Variants in DNMT1 observed in about 807,000 individuals in gnomAD.
DNMT1 encodes DNA (cytosine-5)-methyltransferase 1.
Under a neutral mutation model 205.3 loss-of-function variants are expected in DNMT1, and 24 were observed. That is an observed-to-expected ratio of 0.12 (90% confidence interval 0.08 to 0.16). The LOEUF (loss-of-function observed/expected upper bound fraction) is 0.16. Among genes scored for constraint, DNMT1 ranks in the 10% least tolerant of loss-of-function variants. DNMT1 has a pLI of 1.00. For synonymous variants in DNMT1, 817 were observed against 839.8 expected (o/e 0.97, Z 0.47); for missense variants, 1,293 against 2,177.7 (o/e 0.59, Z 8.09).
chr19:10,161,587 T>C (rs925084460), intron 13 of DNMT1, among the ~76,000 whole-genome samples: 3 of 152,144 alleles, frequency 2.0e-5, no homozygotes, highest in Admixed American at 1.3e-4. Flanking sequence ...TTTGCGGCTA[T>C]GGTAGCTATG....
intron 5 of DNMT1, 168 bp downstream of exon 5, chr19:10,180,019 G>T: frequency 3.7e-6 from 1 of 268,802 alleles, no homozygotes; most frequent in Non-Finnish European, 7.1e-6. Flanking sequence ...AAGAAAGAAA[G>T]AGAGTTAAGC....
intron 1 of DNMT1, among the ~76,000 whole-genome samples, chr19:10,190,573 G>C (rs969968547): frequency 3.3e-5 from 5 of 151,872 alleles, no homozygotes; most frequent in Admixed American, 2.6e-4. Context: ...CACCAGCCTG[G>C]CCAACACGGT....
At chr19:10,139,575 G>A (rs2145263676) in intron 34 of DNMT1, 101 bp downstream of exon 34, 2 of 1,530,270 alleles carry the variant, frequency 1.3e-6, no homozygotes, top group Non-Finnish European at 1.8e-6. Context: ...CTGGATGGCA[G>A]GCCTATGCCA....
rs1357168764 is a variant in DNMT1 at position 10,137,471 on chromosome 19, G to A, written c.4294-191C>T. ...AGGGACCTGAGGCAGCGCAGGTGTA[G>A]GAGAGCGTGGGAATCTAAGCTGAGC... On this transcript the variant is annotated intron_variant, in intron 36 of 40. Transcript: ENST00000359526. This position sits in a 1 kb window ranked among gnomAD's most constrained non-coding sequence, Gnocchi z 6.4. 1 of 698,012 alleles carries A rather than the reference G, an allele frequency of 1.4e-6. No individual in the cohort carries two copies. The highest frequency in any genetic ancestry group is 1.8e-5 in the South Asian group (1 of 54,486). 43.2% of individuals were successfully genotyped at this position (698,012 alleles called of 1,614,324 possible). A position where few individuals can be genotyped will look rare whatever the true frequency, so the allele number is the denominator to read the frequency against.
chr19:10,134,859 G>GAA (rs58533694), intron 39 of DNMT1, among the ~76,000 whole-genome samples: 20 of 118,812 alleles, frequency 1.7e-4, no homozygotes, highest in African/African-American at 5.3e-4. Flanking sequence ...CCCTGTCTCA[G>GAA]AAAAAAAAAA....
intron 10 of DNMT1, among the ~76,000 whole-genome samples, chr19:10,167,571 G>A (rs543332382): frequency 6.6e-5 from 10 of 152,286 alleles, no homozygotes; most frequent in East Asian, 1.9e-4. Context: ...AGCCACAAGC[G>A]TGTACCCAGC....
chr19:10,151,322 G>C lies in DNMT1; in HGVS notation c.2265+76C>G. On this transcript the variant is annotated intron_variant, in intron 24 of 40. Coordinates refer to ENST00000359526, the MANE Select transcript of DNMT1 (RefSeq NM_001130823.3). This position sits in a 1 kb window ranked among gnomAD's most constrained non-coding sequence, Gnocchi z 5.0. ...GGGGCTCAGGCTGCCTGAGAGGTCAGGTTGGCGAGATACTAGAGGGCAACC... is the reference window on the plus strand; with the variant it reads ...GGGGCTCAGGCTGCCTGAGAGGTCACGTTGGCGAGATACTAGAGGGCAACC... 1 of 1,597,312 alleles carries C rather than the reference G, an allele frequency of 6.3e-7. No homozygotes were observed. Among genetic ancestry groups the C allele is most frequent in the African/African-American group, 1.3e-5 (1 of 74,904 alleles).
In DNMT1 at chr19:10,140,029, G is replaced by A. The variant is rs1243191686; in HGVS notation, c.3806+17C>T. On this transcript the variant is annotated intron_variant, in intron 33 of 40. Coordinates refer to ENST00000359526, the MANE Select transcript of DNMT1 (RefSeq NM_001130823.3). This position sits in a 1 kb window ranked among gnomAD's most constrained non-coding sequence, Gnocchi z 8.4. ...CCCGGGCCGTCTGGCAACACTGGGG[G>A]GCTTCTACCCGTTTACCTGAGGAAG... 1 of 1,605,524 alleles carries A rather than the reference G, an allele frequency of 6.2e-7. No individual in the cohort carries two copies. The highest frequency in any genetic ancestry group is 1.1e-5 in the South Asian group (1 of 91,076).
In DNMT1 at chr19:10,191,917, G is replaced by A. The variant is rs138008772; in HGVS notation, c.80+2903C>T. On this transcript the variant is annotated intron_variant, in intron 1 of 40. Transcript: ENST00000359526. ...GCAACGGTGCAATCTCGGCTCCTGG[G>A]TTCAAGCGATTATCCTGCCTCAGCC... is the stretch of plus-strand genomic sequence containing the variant. 4.9e-3 allele frequency among the ~76,000 whole-genome samples: 750 copies of A among 152,112 alleles called. 5 individuals carry two copies. The highest frequency in any genetic ancestry group is 0.017 in the African/African-American group (705 of 41,486).
intron 11 of DNMT1, among the ~76,000 whole-genome samples, chr19:10,165,320 C>T (rs2038666658): frequency 6.6e-6 from 1 of 152,162 alleles, no homozygotes. Flanking sequence ...AGAGATGGCA[C>T]CTCCTGTGCA....
At chr19:10,185,252 C>T (rs1156378529) in intron 1 of DNMT1, among the ~76,000 whole-genome samples, 2 of 151,882 alleles carry the variant, frequency 1.3e-5, no homozygotes, top group East Asian at 1.9e-4. Flanking sequence ...AGTGAAACCC[C>T]GCCTCTACTA....
rs966116269 is a variant in DNMT1 at position 10,159,735 on chromosome 19, C to G, written c.1203G>C (p.Lys401Asn). 12 of 1,614,152 alleles carry G rather than the reference C, an allele frequency of 7.4e-6. No homozygotes were observed. The highest frequency in any genetic ancestry group is 1.0e-5 in the Non-Finnish European group (12 of 1,180,058). The change falls in exon 17 of 41, where the codon AAG (lysine) becomes AAC (asparagine). Residue 401 changes from lysine (K) to asparagine (N), a missense_variant. By Grantham distance (94) the Lys-to-Asn change is moderately conservative. Coordinates refer to ENST00000359526, the MANE Select transcript of DNMT1 (RefSeq NM_001130823.3). The surrounding 1 kb of genome is among the most constrained non-coding windows in gnomAD (Gnocchi z 5.0). ...VDEPQMLTNE[K>N]LSIFDANESG... ...ACTCGTTGGCATCAAAGATGGACAG[C>G]TTCTCATTTGTCAGCATCTGTGGCT...
At chr19:10,161,798 G>A (rs1009437676) in intron 13 of DNMT1, among the ~76,000 whole-genome samples, 2 of 152,102 alleles carry the variant, frequency 1.3e-5, no homozygotes, top group Non-Finnish European at 2.9e-5. Context: ...GGTTAAATGA[G>A]GTAATAAAGG....
chr19:10,145,270 T>C (rs2038174241), intron 28 of DNMT1, among the ~76,000 whole-genome samples: 1 of 152,170 alleles, frequency 6.6e-6, no homozygotes, highest in Non-Finnish European at 1.5e-5. Flanking sequence ...ACTCTCCCAC[T>C]TTGCCAGGAG....
At position 10,159,973 on chromosome 19, in the gene DNMT1, G is replaced by A. The variant is rs758278624; in HGVS notation, c.1089+45C>T. ...GGCACTCAGAGAGCAGCTCCCAGCCGCCTCGTGAGCGCCGCCACCGGCTTT... is the reference window on the plus strand; with the variant it reads ...GGCACTCAGAGAGCAGCTCCCAGCCACCTCGTGAGCGCCGCCACCGGCTTT... On this transcript the variant is annotated intron_variant, in intron 15 of 40. Transcript: ENST00000359526. This position sits in a 1 kb window ranked among gnomAD's most constrained non-coding sequence, Gnocchi z 5.0. 3.1e-6 allele frequency: 5 copies of A among 1,614,172 alleles called. No homozygotes were observed. The highest frequency in any genetic ancestry group is 2.2e-5 in the South Asian group (2 of 91,080).
intron 30 of DNMT1, 115 bp from the exon 31 acceptor site, chr19:10,141,304 G>T: frequency 9.9e-7 from 1 of 1,012,868 alleles, no homozygotes; most frequent in Non-Finnish European, 1.5e-6. Context: ...GTGGGGCCAT[G>T]ACCAATTAGC....
intron 22 of DNMT1, among the ~76,000 whole-genome samples, chr19:10,152,189 A>AT (rs2038359997): frequency 9.2e-6 from 1 of 108,880 alleles, no homozygotes; most frequent in Non-Finnish European, 2.1e-5. Context: ...AAAAAAAAAA[A>AT]GGAAAAAAAA....
chr19:10,147,975 G>A (rs545203279), intron 27 of DNMT1, among the ~76,000 whole-genome samples: 86 of 151,424 alleles, frequency 5.7e-4, no homozygotes, highest in African/African-American at 1.8e-3. Context: ...AAGTAGCCGG[G>A]CATGGTGGCC....
At chr19:10,187,999 T>C (rs1227730915) in intron 1 of DNMT1, among the ~76,000 whole-genome samples, 1 of 146,176 alleles carries the variant, frequency 6.8e-6, no homozygotes, top group Non-Finnish European at 1.5e-5. Context: ...GTAATTAGCT[T>C]GGTGTGGCAG....
Sources: allele counts gnomAD v4.1 joint callset (sites outside exome capture counted in the v4.1 genomes callset), GRCh38; gene constraint gnomAD v4.1.1; non-coding constraint Gnocchi (gnomAD v3.1); transcripts MANE v1.5; gene names NCBI Gene and HGNC (gene_info 2026-07-23, HGNC 2026-07-21).